NAALADL2: variants seen among roughly 807,000 people sequenced by gnomAD.
The protein encoded by NAALADL2 is inactive N-acetylated-alpha-linked acidic dipeptidase-like protein 2.
A neutral mutation model predicts 87.2 loss-of-function variants in NAALADL2; 76 were observed. The ratio of observed to expected loss-of-function variants is 0.87; its 90% CI spans 0.72 to 1.05. NAALADL2 has a LOEUF of 1.05. NAALADL2 is among the 50% of genes least tolerant of loss of function. The pLI is 0.00. For missense variants in NAALADL2, 1,089 were observed against 945.8 expected, an observed-to-expected ratio of 1.15 and a Z score of -1.99; for synonymous variants, 354 against 331.0, an observed-to-expected ratio of 1.07 and a Z score of -0.75.
chr3:174,706,105 T>C (rs1023186104), intron 2 of NAALADL2, among the ~76,000 whole-genome samples: 2 of 152,228 alleles, frequency 1.3e-5, no homozygotes, highest in Admixed American at 1.3e-4. Context: ...AGTAAAAGTT[T>C]AATGTAAACA....
chr3:174,498,668 A>G (rs932538855), intron 1 of NAALADL2, among the ~76,000 whole-genome samples: 1 of 151,440 alleles, frequency 6.6e-6, no homozygotes, highest in Admixed American at 6.6e-5. Flanking sequence ...ATGAACTATC[A>G]AACTATTTTC....
intron 5 of NAALADL2, among the ~76,000 whole-genome samples, chr3:175,331,395 A>C (rs7636506): frequency 0.12 from 18,435 of 152,260 alleles, 1,380 homozygotes; most frequent in Non-Finnish European, 0.17. Flanking sequence ...GACACAAAAA[A>C]TCATCAACCA....
rs564887614 is a variant in NAALADL2, at chr3:175,578,204, T to A, written c.1800+2017T>A. Reference sequence around the variant, plus strand: ...ACTTTAGGAAGCCGAGACGGGCAGATTGCTTGAGCCCAGGAGTTTGATACC... The same window carrying A: ...ACTTTAGGAAGCCGAGACGGGCAGAATGCTTGAGCCCAGGAGTTTGATACC... On this transcript the variant is annotated intron_variant, in intron 10 of 13. Coordinates refer to ENST00000454872, the MANE Select transcript of NAALADL2 (RefSeq NM_207015.3). Among the ~76,000 whole-genome samples the A allele has an allele frequency of 6.6e-5, 10 of 152,194 alleles. No individual in the cohort carries two copies. In the East Asian group the frequency reaches 1.7e-3, roughly 27 times the overall value.
At chr3:175,020,037 A>G (rs1580060864) in intron 1 of NAALADL2, among the ~76,000 whole-genome samples, 1 of 152,100 alleles carries the variant, frequency 6.6e-6, no homozygotes, top group Non-Finnish European at 1.5e-5. Context: ...GTTACACATA[A>G]TAAGCACACA....
intron 2 of NAALADL2, among the ~76,000 whole-genome samples, chr3:174,729,690 G>A (rs1196516204): frequency 6.6e-6 from 1 of 151,684 alleles, no homozygotes; most frequent in Non-Finnish European, 1.5e-5. Context: ...TTAATATTTT[G>A]AGTGGACTAT....
intron 10 of NAALADL2, among the ~76,000 whole-genome samples, chr3:175,616,385 A>G (rs2149686314): frequency 6.6e-6 from 1 of 151,814 alleles, no homozygotes; most frequent in Admixed American, 6.6e-5. Context: ...TCACGTTTAA[A>G]AAATCTACAT....
chr3:175,010,797 C>T (rs189244775), intron 1 of NAALADL2, among the ~76,000 whole-genome samples: 33 of 152,154 alleles, frequency 2.2e-4, no homozygotes, highest in African/African-American at 7.2e-4. Flanking sequence ...AGTCTAGTAT[C>T]ATAAAGCGAG....
At chr3:175,594,731 T>G (rs1399315549) in intron 10 of NAALADL2, among the ~76,000 whole-genome samples, 1 of 152,200 alleles carries the variant, frequency 6.6e-6, no homozygotes, top group Non-Finnish European at 1.5e-5. Context: ...ACTGTGTTTT[T>G]GATTTGCATT....
chr3:174,982,003 G>A lies in NAALADL2; in HGVS notation c.44-114787G>A, dbSNP rs116622676. On this transcript the variant is annotated intron_variant, in intron 1 of 13. Transcript: ENST00000454872. ...ATCATTTGCTGAAACTTAAGAATAC[G>A]GTCACAACTAACTTCAAGGAAAGCT... Among the ~76,000 whole-genome samples the A allele has an allele frequency of 8.8e-3, 1,332 of 152,190 alleles. 7 individuals are homozygous for A. Among genetic ancestry groups the A allele is most frequent in the Admixed American group, 0.014 (220 of 15,290 alleles).
chr3:175,095,857 C>T (rs1443676005), intron 1 of NAALADL2, among the ~76,000 whole-genome samples: 4 of 152,058 alleles, frequency 2.6e-5, no homozygotes, highest in Non-Finnish European at 4.4e-5. Context: ...TATAAATACT[C>T]TTAATCTGCA....
intron 3 of NAALADL2, among the ~76,000 whole-genome samples, chr3:174,766,731 T>C (rs1218454748): frequency 6.6e-6 from 1 of 152,204 alleles, no homozygotes; most frequent in Non-Finnish European, 1.5e-5. Context: ...ATTTAACAAA[T>C]ATTTATTGAG....
chr3:174,545,615 A>G (rs892675433), intron 1 of NAALADL2, among the ~76,000 whole-genome samples: 4 of 152,034 alleles, frequency 2.6e-5, no homozygotes, highest in South Asian at 4.1e-4. Context: ...TTTGTTGGAT[A>G]TCTATATGCC....
At chr3:174,515,272 GC>G in intron 1 of NAALADL2, among the ~76,000 whole-genome samples, 1 of 152,148 alleles carries the variant, frequency 6.6e-6, no homozygotes, top group South Asian at 2.1e-4. Context: ...TAACTGTTAA[GC>G]CCCTAGGTTT....
At chr3:175,588,529 C>CTTTTTTTTTTTTTTTTTTTTTTTTTTTT (rs1430802993) in intron 10 of NAALADL2, among the ~76,000 whole-genome samples, 1 of 94,488 alleles carries the variant, frequency 1.1e-5, no homozygotes, top group African/African-American at 4.0e-5. Context: ...TTCTTTCTTT[C>CTTTTTTTTTTTTTTTTTTTTTTTTTTTT]TTTTCTTTTT....
At chr3:175,802,466 A>C (rs142973409) in intron 13 of NAALADL2, among the ~76,000 whole-genome samples, 6 of 152,052 alleles carry the variant, frequency 3.9e-5, no homozygotes, top group Non-Finnish European at 8.8e-5. Context: ...TACAATACAC[A>C]AGGCAGCCAC....
At chr3:175,558,191 T>C (rs1252320093) in intron 9 of NAALADL2, among the ~76,000 whole-genome samples, 4 of 46,868 alleles carry the variant, frequency 8.5e-5, no homozygotes, top group Non-Finnish European at 4.6e-5. Context: ...CAAGACCCCG[T>C]CTCAAAAAAA....
intron 3 of NAALADL2, among the ~76,000 whole-genome samples, chr3:174,763,215 C>G (rs978324376): frequency 6.6e-6 from 1 of 151,782 alleles, no homozygotes. Flanking sequence ...AATTTCCAAT[C>G]CTGTTCAGAG....
At chr3:175,408,322 T>C (rs1470038595) in intron 5 of NAALADL2, among the ~76,000 whole-genome samples, 2 of 152,132 alleles carry the variant, frequency 1.3e-5, no homozygotes, top group East Asian at 3.8e-4. Flanking sequence ...ATGAATATGT[T>C]AATTAGCTTG....
chr3:175,030,217 A>G (rs1456795109), intron 1 of NAALADL2, among the ~76,000 whole-genome samples: 3 of 152,042 alleles, frequency 2.0e-5, no homozygotes, highest in African/African-American at 7.2e-5. Context: ...GTTTGCTGCT[A>G]TTTATGCTTT....
Sources: allele counts gnomAD v4.1 joint callset (sites outside exome capture counted in the v4.1 genomes callset), GRCh38; gene constraint gnomAD v4.1.1; transcripts MANE v1.5; gene names NCBI Gene and HGNC (gene_info 2026-07-23, HGNC 2026-07-21).